The following RNF2 variants were observed in gnomAD, a reference collection of about 807,000 sequenced individuals.
The protein encoded by RNF2 is ring finger protein 2.
In RNF2, 6 loss-of-function variants were observed where a neutral mutation model predicts 37.2. The observed-to-expected ratio is 0.16, with a 90% confidence interval of 0.09 to 0.32. The LOEUF is 0.32. Among genes scored for constraint, RNF2 ranks in the 10% least tolerant of loss-of-function variants. RNF2 has a pLI of 1.00. For synonymous variants in RNF2, 133 were observed against 132.7 expected (o/e 1.00, Z -0.02); for missense variants, 251 against 404.0 (o/e 0.62, Z 3.25).
chr1:185,099,515 G>T (rs1347259691), intron 5 of RNF2, among the ~76,000 whole-genome samples: 1 of 152,042 alleles, frequency 6.6e-6, no homozygotes, highest in Non-Finnish European at 1.5e-5. Context: ...ATTTCTGTTT[G>T]ATTTTTGTCA....
intron 5 of RNF2, 86 bp downstream of exon 5, chr1:185,098,430 C>A: frequency 7.0e-7 from 1 of 1,430,864 alleles, no homozygotes; most frequent in Non-Finnish European, 9.5e-7. Flanking sequence ...GAAGTAGGAG[C>A]AATATTTGTC....
At chr1:185,046,816 A>G (rs147311305) in intron 1 of RNF2, among the ~76,000 whole-genome samples, 5 of 152,334 alleles carry the variant, frequency 3.3e-5, no homozygotes, top group African/African-American at 9.6e-5. Flanking sequence ...GGTAATTCCA[A>G]GATGATCAGC....
At chr1:185,058,441 A>G (rs1650500471) in intron 1 of RNF2, among the ~76,000 whole-genome samples, 1 of 152,172 alleles carries the variant, frequency 6.6e-6, no homozygotes, top group South Asian at 2.1e-4. Context: ...CTTTCATCAG[A>G]TTCTTAAGAG....
intron 1 of RNF2, among the ~76,000 whole-genome samples, chr1:185,080,726 T>C (rs551725907): frequency 1.3e-5 from 2 of 152,360 alleles, no homozygotes; most frequent in African/African-American, 4.8e-5. Context: ...GAAATGCAAC[T>C]AACTTGTCAA....
At chr1:185,047,420 T>C (rs888712602) in intron 1 of RNF2, among the ~76,000 whole-genome samples, 12 of 152,246 alleles carry the variant, frequency 7.9e-5, no homozygotes, top group Non-Finnish European at 1.8e-4. Context: ...GATAGAAATA[T>C]AGACCAGGTC....
chr1:185,050,399 A>C (rs1481554697), intron 1 of RNF2, among the ~76,000 whole-genome samples: 6 of 152,186 alleles, frequency 3.9e-5, no homozygotes, highest in Non-Finnish European at 1.5e-5. Context: ...TCCTGATTAA[A>C]TCCAATTTCA....
chr1:185,072,219 G>A (rs1650998401), intron 1 of RNF2, among the ~76,000 whole-genome samples: 1 of 152,098 alleles, frequency 6.6e-6, no homozygotes, highest in African/African-American at 2.4e-5. Flanking sequence ...AGGTGACTGT[G>A]AAGAATATCT....
chr1:185,049,685 G>C (rs780197818), intron 1 of RNF2, among the ~76,000 whole-genome samples: 1 of 151,258 alleles, frequency 6.6e-6, no homozygotes, highest in Non-Finnish European at 1.5e-5. Flanking sequence ...AAAAAAAAGC[G>C]GGGGAGGGGG....
chr1:185,056,438 A>G (rs1650436445), intron 1 of RNF2, among the ~76,000 whole-genome samples: 1 of 151,252 alleles, frequency 6.6e-6, no homozygotes, highest in Admixed American at 6.6e-5. Flanking sequence ...AGCTTACTGC[A>G]GCCTTGAACT....
chr1:185,075,351 AT>A (rs1249511621), intron 1 of RNF2, among the ~76,000 whole-genome samples: 2 of 151,964 alleles, frequency 1.3e-5, no homozygotes, highest in African/African-American at 2.4e-5. Context: ...TGATTCAACC[AT>A]TTTCCATTTC....
chr1:185,082,149 C>G (rs572939791), intron 1 of RNF2, among the ~76,000 whole-genome samples: 49 of 152,118 alleles, frequency 3.2e-4, no homozygotes, highest in African/African-American at 1.1e-3. Context: ...GAGACACCCA[C>G]TTATCGAGCT....
intron 1 of RNF2, among the ~76,000 whole-genome samples, chr1:185,071,255 C>T (rs1650963916): frequency 6.6e-6 from 1 of 152,110 alleles, no homozygotes; most frequent in Non-Finnish European, 1.5e-5. Context: ...TGTCTTCTAC[C>T]TGTGAAGATA....
chr1:185,098,655 G>GT (rs1160074150), intron 5 of RNF2, among the ~76,000 whole-genome samples: 1 of 152,286 alleles, frequency 6.6e-6, no homozygotes, highest in Admixed American at 6.5e-5. Context: ...CGTTACCACT[G>GT]TATCTCCAGC....
chr1:185,093,134 G>A lies in RNF2; in HGVS notation c.322G>A (p.Ala108Thr). Reference sequence around the variant, plus strand: ...ACTAAGGCCAGACCCAAACTTTGATGCACTCATCAGCAAAATTTATCCAAG... The same window carrying A: ...ACTAAGGCCAGACCCAAACTTTGATACACTCATCAGCAAAATTTATCCAAG... The part of the protein sequence containing the change: ...RSLRPDPNFD[A>T]LISKIYPSRD... Residue 108 changes from alanine (A) to threonine (T), a missense_variant, in exon 4 of 7, where the codon GCA becomes ACA. Physicochemically the swap from Ala to Thr is moderately conservative, Grantham distance 58. Around this residue, in one of 7 missense-constraint regions of RNF2, gnomAD observed 33 missense variants for 46.8 expected, o/e 0.71. Transcript: ENST00000367510. 6.2e-7 allele frequency: 1 copy of A among 1,613,944 alleles called. No individual in the cohort carries two copies. Among genetic ancestry groups the A allele is most frequent in the Non-Finnish European group, 8.5e-7 (1 of 1,179,916 alleles).
intron 1 of RNF2, among the ~76,000 whole-genome samples, chr1:185,067,096 T>C (rs1306144244): frequency 2.0e-5 from 3 of 152,336 alleles, no homozygotes; most frequent in African/African-American, 7.2e-5. Flanking sequence ...ATGTTCCATA[T>C]TGTGGAAAAG....
At chr1:185,084,115 A>AT (rs1012630160) in intron 1 of RNF2, among the ~76,000 whole-genome samples, 15 of 150,694 alleles carry the variant, frequency 1.0e-4, no homozygotes, top group African/African-American at 2.2e-4. Flanking sequence ...CTAATTTTTA[A>AT]TTTTTTTTTG....
At chr1:185,062,877 C>T (rs1404087351) in intron 1 of RNF2, among the ~76,000 whole-genome samples, 1 of 151,534 alleles carries the variant, frequency 6.6e-6, no homozygotes, top group Non-Finnish European at 1.5e-5. Flanking sequence ...TTGAGGCTTG[C>T]CAATTAAAAC....
intron 1 of RNF2, among the ~76,000 whole-genome samples, chr1:185,064,730 A>G (rs567919491): frequency 1.3e-5 from 2 of 152,166 alleles, no homozygotes; most frequent in South Asian, 2.1e-4. Flanking sequence ...ATGTCTTTCC[A>G]TTTATTTATG....
chr1:185,095,507 A>AT lies in RNF2; in HGVS notation c.464+2238dup, dbSNP rs200353183. 7.2e-3 allele frequency among the ~76,000 whole-genome samples: 1,098 copies of AT among 152,002 alleles called. 8 individuals are homozygous for AT. Among genetic ancestry groups the AT allele is most frequent in the Non-Finnish European group, 0.012 (798 of 67,970 alleles). On this transcript the variant is annotated intron_variant, in intron 4 of 6. Transcript: ENST00000367510. ...TGTAATTCCTTACCCTCCCTGCCTC[A>AT]TTTTTTTCCCATAGCACGTATCACT...
Sources: allele counts gnomAD v4.1 joint callset (sites outside exome capture counted in the v4.1 genomes callset), GRCh38; gene constraint gnomAD v4.1.1; regional missense constraint gnomAD v4.1.1; transcripts MANE v1.5; gene names NCBI Gene and HGNC (gene_info 2026-07-23, HGNC 2026-07-21).